CTNND2: variants seen among roughly 807,000 people sequenced by gnomAD.
CTNND2 encodes catenin delta-2.
CTNND2 carries 22 observed loss-of-function variants against 144.4 expected under a neutral mutation model. That is an observed-to-expected ratio of 0.15 (90% confidence interval 0.11 to 0.22). CTNND2 has a LOEUF of 0.22. CTNND2 is among the 10% of genes least tolerant of loss of function. The pLI, the probability that CTNND2 is intolerant of heterozygous loss-of-function variation, is 1.00. For synonymous variants in CTNND2, 751 were observed against 695.6 expected (o/e 1.08, Z -1.25); for missense variants, 1,353 against 1,618.8 (o/e 0.84, Z 2.82).
At chr5:11,276,460 T>C (rs1355853255) in intron 9 of CTNND2, among the ~76,000 whole-genome samples, 1 of 152,108 alleles carries the variant, frequency 6.6e-6, no homozygotes, top group African/African-American at 2.4e-5. Flanking sequence ...TTCTCCCTCA[T>C]TGCTTGATTT....
chr5:11,817,410 GGAGAGAGA>G (rs1157713122), intron 1 of CTNND2, among the ~76,000 whole-genome samples: 4 of 22,352 alleles, frequency 1.8e-4, no homozygotes, highest in African/African-American at 7.1e-4. Context: ...GAGAGAGGAG[GGAGAGAGA>G]GAGAGAGAGA....
chr5:11,173,269 C>A (rs1032974338), intron 11 of CTNND2, among the ~76,000 whole-genome samples: 54 of 152,256 alleles, frequency 3.5e-4, no homozygotes, highest in African/African-American at 1.3e-3. Flanking sequence ...GTTATGCCCA[C>A]TCCTCTGCTG....
At position 11,799,268 on chromosome 5, in the gene CTNND2, T is replaced by G. The variant is rs74439474; in HGVS notation, c.38-66996A>C. On this transcript the variant is annotated intron_variant, in intron 1 of 21. Coordinates refer to ENST00000304623, the MANE Select transcript of CTNND2 (RefSeq NM_001332.4). ...GGTGTAGTTTCCCATTCTGTGATTC[T>G]ATCTTAAATTCTAGGGTAGTTTTAT... Among the ~76,000 whole-genome samples the G allele has an allele frequency of 3.3e-3, 507 of 152,336 alleles. 4 individuals are homozygous for G. The highest frequency in any genetic ancestry group is 6.1e-3 in the Non-Finnish European group (414 of 68,018).
intron 15 of CTNND2, among the ~76,000 whole-genome samples, chr5:11,094,349 G>T (rs1259386501): frequency 1.3e-5 from 2 of 152,066 alleles, no homozygotes; most frequent in Non-Finnish European, 2.9e-5. Flanking sequence ...ACATTAAATG[G>T]TCTCTGACAG....
intron 16 of CTNND2, among the ~76,000 whole-genome samples, chr5:11,068,046 C>A (rs553321317): frequency 2.6e-5 from 4 of 152,290 alleles, no homozygotes; most frequent in Admixed American, 2.0e-4. Flanking sequence ...AAGTTTGGAT[C>A]AGCAATTTCT....
chr5:11,179,369 T>C (rs1760787003), intron 11 of CTNND2, among the ~76,000 whole-genome samples: 1 of 151,982 alleles, frequency 6.6e-6, no homozygotes, highest in African/African-American at 2.4e-5. Flanking sequence ...AACAGAGCAC[T>C]GTACTATATT....
chr5:11,204,011 T>C (rs1737784272), intron 10 of CTNND2, among the ~76,000 whole-genome samples: 1 of 152,204 alleles, frequency 6.6e-6, no homozygotes. Flanking sequence ...AAGTGGTTCT[T>C]TGACAAATGA....
intron 14 of CTNND2, 112 bp downstream of exon 14, chr5:11,110,746 T>G (rs1184262658): frequency 3.9e-6 from 4 of 1,034,856 alleles, no homozygotes; most frequent in Non-Finnish European, 5.5e-6. Flanking sequence ...GATGCATTAG[T>G]GATTTTACCT....
At chr5:11,108,662 A>T (rs1419913398) in intron 14 of CTNND2, among the ~76,000 whole-genome samples, 1 of 152,172 alleles carries the variant, frequency 6.6e-6, no homozygotes, top group East Asian at 1.9e-4. Context: ...TTTATAAGCT[A>T]AAAAGGGAGG....
Position 11,082,692 on chromosome 5 carries a change from A to T in CTNND2, c.2788+4T>A. On this transcript the variant is annotated splice_donor_region_variant and intron_variant, in intron 16 of 21. Coordinates refer to ENST00000304623, the MANE Select transcript of CTNND2 (RefSeq NM_001332.4). The stretch of plus-strand genomic sequence containing the variant: ...TGAGACACTGTGAATCAGGGAGAAC[A>T]TACCGATGAGCTCCTTATTTCTGAC... The T allele has an allele frequency of 6.2e-7, 1 of 1,613,936 alleles. No homozygotes were observed. Among genetic ancestry groups the T allele is most frequent in the Non-Finnish European group, 8.5e-7 (1 of 1,179,906 alleles).
At chr5:11,887,009 A>G (rs1736591039) in intron 1 of CTNND2, among the ~76,000 whole-genome samples, 2 of 113,240 alleles carry the variant, frequency 1.8e-5, no homozygotes, top group South Asian at 3.0e-4. Context: ...TTTGAGACAG[A>G]GTCTCGCTCT....
intron 1 of CTNND2, among the ~76,000 whole-genome samples, chr5:11,836,536 CA>C (rs764637538): frequency 0.08 from 10,403 of 129,902 alleles, 887 homozygotes; most frequent in African/African-American, 0.23. Context: ...GCCAAACTAC[CA>C]AAAAAAAAAA....
At chr5:11,294,826 G>A (rs1254965533) in intron 9 of CTNND2, among the ~76,000 whole-genome samples, 5 of 152,026 alleles carry the variant, frequency 3.3e-5, no homozygotes, top group East Asian at 1.9e-4. Context: ...ACTGATGGAC[G>A]TATCTCAAAA....
chr5:11,040,223 G>C (rs1744559104), intron 16 of CTNND2, among the ~76,000 whole-genome samples: 1 of 152,114 alleles, frequency 6.6e-6, no homozygotes, highest in Admixed American at 6.5e-5. Flanking sequence ...TCTAGCCTGG[G>C]TGACAGGGTA....
intron 9 of CTNND2, among the ~76,000 whole-genome samples, chr5:11,240,098 T>C (rs1742058078): frequency 6.7e-6 from 1 of 150,066 alleles, no homozygotes. Flanking sequence ...ATTCCTAGAT[T>C]AGCCACACAA....
In CTNND2 at chr5:10,986,808, CG is replaced by C. The variant is rs1198171749; in HGVS notation, c.3343+1302del. The C allele has an allele frequency of 1.1e-5, 4 of 372,462 alleles. No individual in the cohort carries two copies. The Admixed American group carries it at 1.4e-4, about 13-fold the overall frequency. The allele number at this position is 372,462 out of a possible 1,614,324, so 23.1% of individuals were successfully genotyped here. A position where few individuals can be genotyped will look rare whatever the true frequency, so the allele number is the denominator to read the frequency against. On this transcript the variant is annotated intron_variant, in intron 20 of 21. Coordinates refer to ENST00000304623, the MANE Select transcript of CTNND2 (RefSeq NM_001332.4). ...TTTACGCAGCTGAGCAGAGTTAACA[CG>C]GAAAACACTGCCGCTGGGGTAAATG...
intron 2 of CTNND2, among the ~76,000 whole-genome samples, chr5:11,722,232 G>A (rs961076038): frequency 6.6e-6 from 1 of 152,154 alleles, no homozygotes; most frequent in African/African-American, 2.4e-5. Context: ...CCTCACATGA[G>A]CCAGGGACAA....
intron 2 of CTNND2, among the ~76,000 whole-genome samples, chr5:11,708,716 G>A (rs1341058962): frequency 6.6e-6 from 1 of 152,068 alleles, no homozygotes; most frequent in Non-Finnish European, 1.5e-5. Flanking sequence ...TCAGGGCCAT[G>A]AGCTCTGTTG....
In CTNND2 at chr5:11,715,342, G is replaced by GA. The variant is rs200224720; in HGVS notation, c.174+16793dup. Among the ~76,000 whole-genome samples the GA allele has an allele frequency of 5.7e-3, 872 of 151,774 alleles. 8 individuals carry two copies. Among genetic ancestry groups the GA allele is most frequent in the African/African-American group, 0.019 (800 of 41,400 alleles). ...TTTATTTGTATGGTAATCTGTTGGG[G>GA]AAAAAAAACAAAGGAAAACACACAA... On this transcript the variant is annotated intron_variant, in intron 2 of 21. Coordinates refer to ENST00000304623, the MANE Select transcript of CTNND2 (RefSeq NM_001332.4).
Sources: allele counts gnomAD v4.1 joint callset (sites outside exome capture counted in the v4.1 genomes callset), GRCh38; gene constraint gnomAD v4.1.1; transcripts MANE v1.5; gene names NCBI Gene and HGNC (gene_info 2026-07-23, HGNC 2026-07-21).